Variants in CSNK2A2 observed in about 807,000 individuals in gnomAD.
The protein encoded by CSNK2A2 is casein kinase 2 alpha 2.
CSNK2A2 carries 8 observed loss-of-function variants against 54.0 expected under a neutral mutation model. The ratio of observed to expected loss-of-function variants is 0.15; its 90% CI spans 0.09 to 0.27. The LOEUF is 0.27. CSNK2A2 is among the 10% of genes least tolerant of loss of function. The pLI, the probability that CSNK2A2 is intolerant of heterozygous loss-of-function variation, is 1.00. For synonymous variants in CSNK2A2, 141 were observed against 153.9 expected, an observed-to-expected ratio of 0.92 and a Z score of 0.62; for missense variants, 242 against 439.4, an observed-to-expected ratio of 0.55 and a Z score of 4.02.
At chr16:58,178,462 T>C (rs1290125577) in intron 4 of CSNK2A2, among the ~76,000 whole-genome samples, 4 of 152,056 alleles carry the variant, frequency 2.6e-5, no homozygotes, top group Non-Finnish European at 5.9e-5. Flanking sequence ...TTTTTGTATT[T>C]TTAGTGACGG....
intron 8 of CSNK2A2, among the ~76,000 whole-genome samples, 173 bp from the exon 9 acceptor site, chr16:58,166,857 T>C (rs1468927044): frequency 2.0e-5 from 3 of 152,212 alleles, no homozygotes; most frequent in East Asian, 3.8e-4. Context: ...TTCACATGAA[T>C]GCAAATTTCC....
At position 58,186,862 on chromosome 16, in the gene CSNK2A2, A is replaced by G; in HGVS notation, c.217-6T>C. 6.2e-7 allele frequency: 1 copy of G among 1,608,278 alleles called. No homozygotes were observed. The highest frequency in any genetic ancestry group is 8.5e-7 in the Non-Finnish European group (1 of 1,174,952). ...ATCTTCTTTTTCTTCACTGGCTTAA[A>G]TACACAAGAGTAATCAGAAGTGAGA... On this transcript the variant is annotated splice_region_variant and splice_polypyrimidine_tract_variant and intron_variant, in intron 2 of 11. Transcript: ENST00000262506.
intron 9 of CSNK2A2, among the ~76,000 whole-genome samples, chr16:58,166,268 T>C (rs562869462): frequency 6.6e-6 from 1 of 152,290 alleles, no homozygotes; most frequent in South Asian, 2.1e-4. Flanking sequence ...ACAAACTAAG[T>C]CTCTTATTCA....
intron 4 of CSNK2A2, among the ~76,000 whole-genome samples, chr16:58,182,120 T>C (rs967437531): frequency 6.6e-6 from 1 of 152,012 alleles, no homozygotes; most frequent in Admixed American, 6.6e-5. Flanking sequence ...TACAAGAGAA[T>C]GTATGAAACA....
intron 3 of CSNK2A2, among the ~76,000 whole-genome samples, chr16:58,185,856 G>A (rs1015334312): frequency 2.0e-5 from 3 of 152,170 alleles, no homozygotes; most frequent in Non-Finnish European, 4.4e-5. Context: ...ACAATAAATG[G>A]TACCCACCCC....
At chr16:58,171,979 A>ATATATATATATATATATAT (rs1261137669) in intron 5 of CSNK2A2, among the ~76,000 whole-genome samples, 1 of 66,186 alleles carries the variant, frequency 1.5e-5, no homozygotes, top group Admixed American at 1.9e-4. Flanking sequence ...ATATATATAT[A>ATATATATATATATATATAT]TTTTTTTTTT....
intron 4 of CSNK2A2, among the ~76,000 whole-genome samples, chr16:58,181,525 A>G (rs183870426): frequency 1.9e-4 from 29 of 152,360 alleles, no homozygotes; most frequent in Admixed American, 1.8e-3. Context: ...CAGAGACTGA[A>G]TAACAAAATA....
intron 4 of CSNK2A2, among the ~76,000 whole-genome samples, chr16:58,176,623 A>G (rs1043078906): frequency 2.0e-5 from 3 of 152,134 alleles, no homozygotes; most frequent in African/African-American, 4.8e-5. Flanking sequence ...AGGAGTCCAC[A>G]GCTCTGACAA....
At chr16:58,168,754 C>T (rs144651178) in intron 5 of CSNK2A2, 61 bp from the exon 6 acceptor site, 138 of 1,299,360 alleles carry the variant, frequency 1.1e-4, no homozygotes, top group Non-Finnish European at 1.5e-4. Context: ...CCAACGCAAG[C>T]ATAGTCTTAT....
At chr16:58,188,136 C>A (rs1467743879) in intron 2 of CSNK2A2, among the ~76,000 whole-genome samples, 1 of 152,240 alleles carries the variant, frequency 6.6e-6, no homozygotes, top group South Asian at 2.1e-4. Context: ...GAACACATAA[C>A]AAAACAGAGA....
At chr16:58,171,077 A>C (rs946210390) in intron 5 of CSNK2A2, among the ~76,000 whole-genome samples, 1 of 152,094 alleles carries the variant, frequency 6.6e-6, no homozygotes, top group African/African-American at 2.4e-5. Context: ...CTTGACCTGG[A>C]TAAGAAGCAA....
chr16:58,166,716 G>A (rs940066293), intron 8 of CSNK2A2, 32 bp from the exon 9 acceptor site: 3 of 1,489,926 alleles, frequency 2.0e-6, no homozygotes, highest in Non-Finnish European at 2.8e-6. Context: ...CCAAATCACT[G>A]AGCACAGAAC....
intron 2 of CSNK2A2, among the ~76,000 whole-genome samples, chr16:58,190,956 G>A (rs1193086627): frequency 1.3e-5 from 2 of 152,200 alleles, no homozygotes; most frequent in Non-Finnish European, 2.9e-5. Flanking sequence ...ATTCACAATA[G>A]CTAAAACATG....
intron 5 of CSNK2A2, among the ~76,000 whole-genome samples, chr16:58,171,965 A>ATG (rs1459840541): frequency 9.5e-5 from 1 of 10,510 alleles, no homozygotes; most frequent in Admixed American, 1.4e-3. Flanking sequence ...ATGCATATAT[A>ATG]TATATATATA....
chr16:58,182,859 T>A (rs1476832001), intron 4 of CSNK2A2, among the ~76,000 whole-genome samples: 1 of 152,230 alleles, frequency 6.6e-6, no homozygotes, highest in East Asian at 1.9e-4. Flanking sequence ...AGCGCTGTTA[T>A]GCTACTGAAT....
At chr16:58,187,991 A>G (rs1445246668) in intron 2 of CSNK2A2, among the ~76,000 whole-genome samples, 1 of 148,466 alleles carries the variant, frequency 6.7e-6, no homozygotes, top group Non-Finnish European at 1.5e-5. Context: ...AGGCCAATGG[A>G]TTTGCCAATA....
At position 58,175,833 on chromosome 16, in the gene CSNK2A2, G is replaced by A. The variant is rs566127434; in HGVS notation, c.370-1323C>T. ...TTGATTTCATCAACCTCAGGGCAGCGCAGGGAACGAAATGCACAGGCCAGT... is the reference window on the plus strand; with the variant it reads ...TTGATTTCATCAACCTCAGGGCAGCACAGGGAACGAAATGCACAGGCCAGT... On this transcript the variant is annotated intron_variant, in intron 4 of 11. Coordinates refer to ENST00000262506, the MANE Select transcript of CSNK2A2 (RefSeq NM_001896.4). Among the ~76,000 whole-genome samples, 35 of 152,256 alleles carry A rather than the reference G, an allele frequency of 2.3e-4. No homozygotes were observed. In the South Asian group the frequency reaches 3.5e-3, roughly 15 times the overall value.
At position 58,197,808 on chromosome 16, in the gene CSNK2A2, T is replaced by G. The variant is rs1962512313; in HGVS notation, c.-72A>C. The G allele has an allele frequency of 3.3e-6, 1 of 306,774 alleles. No individual in the cohort carries two copies. The highest frequency in any genetic ancestry group is 2.9e-5 in the African/African-American group (1 of 34,754). 19.0% of individuals were successfully genotyped at this position (306,774 alleles called of 1,614,324 possible). A position where few individuals can be genotyped will look rare whatever the true frequency, so the allele number is the denominator to read the frequency against. ...GCGGCGCGGCGGGGGACGCGGGGCG[T>G]CGGGCGGAGGAGGCAGCGGGCCGCC... On this transcript the variant is annotated 5_prime_UTR_variant, in exon 1 of 12. Coordinates refer to ENST00000262506, the MANE Select transcript of CSNK2A2 (RefSeq NM_001896.4). This position sits in a 1 kb window ranked among gnomAD's most constrained non-coding sequence, Gnocchi z 4.0.
rs2142462999 is a variant in CSNK2A2 at position 58,197,972 on chromosome 16, C to A, written c.-236G>T. The A allele has an allele frequency of 7.2e-6, 1 of 138,956 alleles. No individual in the cohort carries two copies. Among genetic ancestry groups the A allele is most frequent in the East Asian group, 2.3e-4 (1 of 4,290 alleles). 8.6% of individuals were successfully genotyped at this position (138,956 alleles called of 1,614,324 possible). A position where few individuals can be genotyped will look rare whatever the true frequency, so the allele number is the denominator to read the frequency against. On this transcript the variant is annotated 5_prime_UTR_variant, in exon 1 of 12. Coordinates refer to ENST00000262506, the MANE Select transcript of CSNK2A2 (RefSeq NM_001896.4). This position sits in a 1 kb window ranked among gnomAD's most constrained non-coding sequence, Gnocchi z 4.0. ...TGGAGCGGCCGGCGGGGCGGCGGGG[C>A]GGGCGGCGCTCGCGCTCCGCGGCGG... is the stretch of plus-strand genomic sequence containing the variant.
Sources: allele counts gnomAD v4.1 joint callset (sites outside exome capture counted in the v4.1 genomes callset), GRCh38; gene constraint gnomAD v4.1.1; non-coding constraint Gnocchi (gnomAD v3.1); transcripts MANE v1.5; gene names NCBI Gene and HGNC (gene_info 2026-07-23, HGNC 2026-07-21).